Variants in ARID2 observed in about 807,000 individuals in gnomAD.
ARID2 encodes AT-rich interactive domain-containing protein 2.
A neutral mutation model predicts 184.6 loss-of-function variants in ARID2; 32 were observed. That is an observed-to-expected ratio of 0.17 (90% CI 0.13 to 0.23). The LOEUF (loss-of-function observed/expected upper bound fraction) is 0.23. Ranked by LOEUF, ARID2 falls within the 10% of genes least tolerant of loss-of-function variation. The pLI is 1.00. For missense variants in ARID2, 1,696 were observed against 2,197.6 expected, an observed-to-expected ratio of 0.77 and a Z score of 4.56; for synonymous variants, 836 against 772.6, an observed-to-expected ratio of 1.08 and a Z score of -1.36.
Position 45,905,098 on chromosome 12 carries a change from A to AG in ARID2, c.*21dup, listed in dbSNP as rs773083432. 1.2e-6 allele frequency: 2 copies of AG among 1,607,870 alleles called. No individual in the cohort carries two copies. Among genetic ancestry groups the AG allele is most frequent in the South Asian group, 2.2e-5 (2 of 90,146 alleles). On this transcript the variant is annotated 3_prime_UTR_variant, in exon 21 of 21. Coordinates refer to ENST00000334344, the MANE Select transcript of ARID2 (RefSeq NM_152641.4). Reference sequence around the variant, plus strand: ...CAGTGAAAAATAATTCCACTTACACAGTGGGGGACTCAAAGTCAGCCACAT... The same window carrying AG: ...CAGTGAAAAATAATTCCACTTACACAGGTGGGGGACTCAAAGTCAGCCACAT...
chr12:45,738,494 A>G (rs1592045817), intron 3 of ARID2, among the ~76,000 whole-genome samples: 1 of 152,002 alleles, frequency 6.6e-6, no homozygotes, highest in East Asian at 1.9e-4. Flanking sequence ...TTTGTATTTT[A>G]GTAGAGATGG....
At chr12:45,859,145 T>C (rs933822855) in intron 15 of ARID2, among the ~76,000 whole-genome samples, 2 of 152,252 alleles carry the variant, frequency 1.3e-5, no homozygotes, top group Admixed American at 6.5e-5. Flanking sequence ...CATGTGCTAC[T>C]TAAGGACATT....
rs1430568858 is a variant in ARID2, at chr12:45,907,415, C to T, written c.*2337C>T. On this transcript the variant is annotated 3_prime_UTR_variant, in exon 21 of 21. Coordinates refer to ENST00000334344, the MANE Select transcript of ARID2 (RefSeq NM_152641.4). ...GGTTTTCATATTCACCATTCTTCCA[C>T]CTCATTGAATTGCATGCTGTAGTTC... 2 of 233,264 alleles carry T rather than the reference C, an allele frequency of 8.6e-6. No homozygotes were observed. The highest frequency in any genetic ancestry group is 1.2e-3 in the Middle Eastern group (1 of 806). The allele number at this position is 233,264 out of a possible 1,614,324, so 14.4% of individuals were successfully genotyped here.
At chr12:45,896,577 A>G (rs931275261) in intron 20 of ARID2, among the ~76,000 whole-genome samples, 2 of 152,186 alleles carry the variant, frequency 1.3e-5, no homozygotes, top group African/African-American at 4.8e-5. Context: ...ACTTTCCACC[A>G]TAATTGTGAG....
intron 3 of ARID2, among the ~76,000 whole-genome samples, chr12:45,766,648 G>T (rs1299032661): frequency 6.6e-6 from 1 of 151,686 alleles, no homozygotes; most frequent in Non-Finnish European, 1.5e-5. Context: ...CGAGTAGCTG[G>T]GACTACAGGC....
chr12:45,876,491 G>A (rs166023), intron 16 of ARID2, among the ~76,000 whole-genome samples: 3 of 151,234 alleles, frequency 2.0e-5, no homozygotes, highest in Non-Finnish European at 3.0e-5. Context: ...TGGAGGTTGC[G>A]GTGAGCCAGA....
intron 3 of ARID2, among the ~76,000 whole-genome samples, chr12:45,740,550 CTT>C (rs1307669273): frequency 6.6e-6 from 1 of 151,808 alleles, no homozygotes; most frequent in Non-Finnish European, 1.5e-5. Context: ...AGTATAATGT[CTT>C]TTATTTATAT....
At position 45,817,797 on chromosome 12, in the gene ARID2, C is replaced by T. The variant is rs2138093109; in HGVS notation, c.546C>T (p.Leu182=). ...ACTTTGCTATTAACGTATGCACTCT[C>T]CTATCAAATGAAAGCAAGCACGTCA... ...EVDFAINVCT[L]LSNESKHVMQ... The change falls in exon 5 of 21, where the codon CTC becomes CTT. Residue 182 remains leucine, a synonymous_variant. Transcript: ENST00000334344. 1 of 1,613,342 alleles carries T rather than the reference C, an allele frequency of 6.2e-7. No individual in the cohort carries two copies.
In ARID2 at chr12:45,850,168, C is replaced by T. The variant is rs765075542; in HGVS notation, c.2045C>T (p.Ser682Leu). 6.2e-7 allele frequency: 1 copy of T among 1,614,116 alleles called. No individual in the cohort carries two copies. Among genetic ancestry groups the T allele is most frequent in the Non-Finnish European group, 8.5e-7 (1 of 1,179,976 alleles). ...QGVHTVAQTV[S>L]RIPQNPSPHT... ...GTTCATACTGTGGCACAAACTGTTT[C>T]AAGAATTCCACAAAATCCTTCACCT... is the stretch of plus-strand genomic sequence containing the variant. Residue 682 changes from serine (S) to leucine (L), a missense_variant, in exon 15 of 21, where the codon TCA becomes TTA. By Grantham distance (145) the Ser-to-Leu change is moderately radical. This residue lies in a region of ARID2 where 713 missense variants were observed against 824.4 expected (regional missense o/e 0.86). Transcript: ENST00000334344.
rs2138160934 is a variant in ARID2, at chr12:45,850,330, G to T, written c.2207G>T (p.Gly736Val). ...GTTCCTGTTAGTATTGCTGTTGGAG[G>T]AGGACCTCCACAGAGTTCTGTTGTT... is the stretch of plus-strand genomic sequence containing the variant. ...TGVPVSIAVG[G>V]GPPQSSVVQN... is the part of the protein sequence containing the mutation. The change falls in exon 15 of 21, where the codon GGA becomes GTA. Residue 736 changes from glycine (G) to valine (V), a missense_variant. Gly to Val is a moderately radical substitution (Grantham distance 109). This residue lies in a region of ARID2 where 713 missense variants were observed against 824.4 expected (regional missense o/e 0.86). Transcript: ENST00000334344. 5 of 1,614,080 alleles carry T rather than the reference G, an allele frequency of 3.1e-6. No individual in the cohort carries two copies. Among genetic ancestry groups the T allele is most frequent in the Non-Finnish European group, 3.4e-6 (4 of 1,179,984 alleles).
At chr12:45,809,462 T>G (rs938327521) in intron 3 of ARID2, among the ~76,000 whole-genome samples, 1 of 151,968 alleles carries the variant, frequency 6.6e-6, no homozygotes, top group African/African-American at 2.4e-5. Flanking sequence ...CTACTTAAGT[T>G]TGTTGTGGGT....
intron 3 of ARID2, among the ~76,000 whole-genome samples, chr12:45,745,846 GC>G (rs1461493291): frequency 2.0e-5 from 3 of 151,992 alleles, no homozygotes; most frequent in Non-Finnish European, 4.4e-5. Flanking sequence ...ACTGCGCCTG[GC>G]CTGGTTTTAT....
At chr12:45,892,511 T>TA (rs1944314222) in intron 18 of ARID2, among the ~76,000 whole-genome samples, 1 of 152,086 alleles carries the variant, frequency 6.6e-6, no homozygotes, top group Non-Finnish European at 1.5e-5. Flanking sequence ...CATATAAACA[T>TA]ACACTAGTTT....
At chr12:45,874,992 C>A (rs557867695) in intron 16 of ARID2, among the ~76,000 whole-genome samples, 6 of 152,182 alleles carry the variant, frequency 3.9e-5, no homozygotes, top group South Asian at 2.1e-4. Flanking sequence ...TGATGGTGGC[C>A]CTTGCCTGTG....
chr12:45,763,362 G>A (rs1312754165), intron 3 of ARID2, among the ~76,000 whole-genome samples: 4 of 151,868 alleles, frequency 2.6e-5, no homozygotes, highest in South Asian at 2.1e-4. Context: ...CCCAGCTACC[G>A]GGGAGGTGGA....
At position 45,782,137 on chromosome 12, in the gene ARID2, T is replaced by TA. The variant is rs527809535; in HGVS notation, c.285-29278dup. On this transcript the variant is annotated intron_variant, in intron 3 of 20. Transcript: ENST00000334344. ...AAAAGATGACTTGTGAGAAGGGCTA[T>TA]AAATTGAAATTGTGGAATTGGATTT... 3.6e-3 allele frequency among the ~76,000 whole-genome samples: 553 copies of TA among 152,310 alleles called. 1 individual carries two copies. Among genetic ancestry groups the TA allele is most frequent in the Non-Finnish European group, 6.1e-3 (414 of 68,026 alleles).
chr12:45,769,874 AGTGG>A (rs1484070544), intron 3 of ARID2, among the ~76,000 whole-genome samples: 3 of 152,294 alleles, frequency 2.0e-5, no homozygotes, highest in African/African-American at 7.2e-5. Flanking sequence ...GCCAGAATGC[AGTGG>A]GATAAGATCA....
At chr12:45,826,924 C>T (rs1474149589) in intron 6 of ARID2, among the ~76,000 whole-genome samples, 3 of 151,952 alleles carry the variant, frequency 2.0e-5, no homozygotes, top group Non-Finnish European at 4.4e-5. Context: ...TCACTTATTA[C>T]AATGTTAGAT....
intron 3 of ARID2, among the ~76,000 whole-genome samples, chr12:45,792,655 C>G (rs935321453): frequency 2.6e-5 from 4 of 151,828 alleles, no homozygotes; most frequent in African/African-American, 9.7e-5. Flanking sequence ...TAATTATGGA[C>G]TTGTCATTTT....
Sources: allele counts gnomAD v4.1 joint callset (sites outside exome capture counted in the v4.1 genomes callset), GRCh38; gene constraint gnomAD v4.1.1; regional missense constraint gnomAD v4.1.1; transcripts MANE v1.5; gene names NCBI Gene and HGNC (gene_info 2026-07-23, HGNC 2026-07-21).